ERCC6L2: variants seen among roughly 807,000 people sequenced by gnomAD.
The protein encoded by ERCC6L2 is ERCC excision repair 6 like 2, also known as DNA excision repair protein ERCC-6-like 2.
A neutral mutation model predicts 132.0 loss-of-function variants in ERCC6L2; 77 were observed. That is an observed-to-expected ratio of 0.58 (90% CI 0.49 to 0.71). ERCC6L2 has a LOEUF of 0.71. Ranked by LOEUF, ERCC6L2 falls within the 30% of genes least tolerant of loss-of-function variation. The pLI is 0.00. For missense variants in ERCC6L2, 1,542 were observed against 1,837.6 expected (o/e 0.84, Z 2.94); for synonymous variants, 583 against 632.4 (o/e 0.92, Z 1.17).
intron 11 of ERCC6L2, among the ~76,000 whole-genome samples, chr9:95,938,791 A>G (rs1048613222): frequency 9.2e-5 from 14 of 152,146 alleles, no homozygotes; most frequent in Admixed American, 7.2e-4. Context: ...ACGATTTTAA[A>G]TGGTATATTT....
chr9:96,003,853 C>T lies in ERCC6L2; in HGVS notation c.3493-667C>T, dbSNP rs185295971. ...TTTGGAATAGGATGAGGACTTTCTA[C>T]CTATTCATACTGTATCATCTTGTCA... On this transcript the variant is annotated intron_variant, in intron 17 of 18. Coordinates refer to ENST00000653738, the MANE Select transcript of ERCC6L2 (RefSeq NM_020207.7). Among the ~76,000 whole-genome samples the T allele has an allele frequency of 2.0e-4, 31 of 152,304 alleles. No homozygotes were observed. In the East Asian group the frequency reaches 6.0e-3, roughly 29 times the overall value.
chr9:95,923,157 A>G lies in ERCC6L2; in HGVS notation c.1414-103A>G, dbSNP rs541742906. The G allele has an allele frequency of 7.7e-5, 106 of 1,383,874 alleles. No individual in the cohort carries two copies. The Middle Eastern group carries it at 1.3e-3, about 17-fold the overall frequency. The allele number at this position is 1,383,874 out of a possible 1,614,324, so 85.7% of individuals were successfully genotyped here. ...TAGGGAAGCAAAAATCTTTAAAGTA[A>G]TACATTCTTTCTAAAAAGAATTTTT... On this transcript the variant is annotated intron_variant, in intron 8 of 18. Transcript: ENST00000653738.
chr9:95,908,152 G>T (rs528291079), intron 4 of ERCC6L2, among the ~76,000 whole-genome samples: 1 of 152,240 alleles, frequency 6.6e-6, no homozygotes, highest in Non-Finnish European at 1.5e-5. Flanking sequence ...GTGCTGAATT[G>T]TGTCGCTTCT....
At position 96,000,819 on chromosome 9, in the gene ERCC6L2, G is replaced by A. The variant is rs1053640155; in HGVS notation, c.3493-3701G>A. 6.6e-5 allele frequency among the ~76,000 whole-genome samples: 10 copies of A among 152,290 alleles called. No homozygotes were observed. The South Asian group carries it at 1.2e-3, about 19-fold the overall frequency. On this transcript the variant is annotated intron_variant, in intron 17 of 18. Coordinates refer to ENST00000653738, the MANE Select transcript of ERCC6L2 (RefSeq NM_020207.7). ...AAAAATTAGCTCGGCCTGTGGGCTC[G>A]TGCTTTGTATGTCTGAAAAGTTCTT... is the stretch of plus-strand genomic sequence containing the variant.
At chr9:95,974,442 T>G (rs1276829698) in intron 16 of ERCC6L2, among the ~76,000 whole-genome samples, 1 of 152,218 alleles carries the variant, frequency 6.6e-6, no homozygotes, top group Non-Finnish European at 1.5e-5. Flanking sequence ...CATTGTCCTA[T>G]CTGTGGATAG....
At position 95,915,671 on chromosome 9, in the gene ERCC6L2, G is replaced by A. The variant is rs181919944; in HGVS notation, c.792G>A (p.Leu264=). The A allele has an allele frequency of 1.2e-6, 2 of 1,608,666 alleles. No individual in the cohort carries two copies. Among genetic ancestry groups the A allele is most frequent in the East Asian group, 4.5e-5 (2 of 44,706 alleles). The stretch of plus-strand genomic sequence containing the variant: ...CTTCTTTTTTCTTACTTTATAGTTT[G>A]GAATGGTCAGCTGTCATTGTGGATG... ...LRLCLDELNS[L]EWSAVIVDEA... Residue 264 remains leucine (L), a synonymous_variant, in exon 5 of 19, where the codon TTG becomes TTA. Coordinates refer to ENST00000653738, the MANE Select transcript of ERCC6L2 (RefSeq NM_020207.7).
At chr9:95,884,573 G>A (rs375050624) in intron 2 of ERCC6L2, among the ~76,000 whole-genome samples, 2 of 150,420 alleles carry the variant, frequency 1.3e-5, no homozygotes, top group South Asian at 2.1e-4. Flanking sequence ...TGAAACTGAA[G>A]TCTTTTTAAA....
At chr9:95,902,077 G>A (rs1214459749) in intron 3 of ERCC6L2, among the ~76,000 whole-genome samples, 1 of 152,100 alleles carries the variant, frequency 6.6e-6, no homozygotes, top group Non-Finnish European at 1.5e-5. Flanking sequence ...ATTAAGGAGT[G>A]GTGGGTCTAA....
chr9:95,946,245 T>C (rs1294686018), intron 12 of ERCC6L2, among the ~76,000 whole-genome samples: 1 of 152,096 alleles, frequency 6.6e-6, no homozygotes, highest in Non-Finnish European at 1.5e-5. Context: ...AAATAATAAA[T>C]TGGCCGGGTG....
At chr9:95,966,455 T>G (rs1207544763) in intron 13 of ERCC6L2, 107 bp from the exon 14 acceptor site, 1 of 1,053,662 alleles carries the variant, frequency 9.5e-7, no homozygotes, top group Admixed American at 3.1e-5. Context: ...CCTAAGGAGA[T>G]TCTGCCTGCT....
intron 13 of ERCC6L2, among the ~76,000 whole-genome samples, chr9:95,959,084 T>A (rs1237309332): frequency 1.3e-5 from 2 of 151,808 alleles, no homozygotes; most frequent in Admixed American, 6.6e-5. Flanking sequence ...CAATCCTAAG[T>A]CAAAAGAACA....
intron 4 of ERCC6L2, among the ~76,000 whole-genome samples, chr9:95,909,509 T>C (rs967466500): frequency 3.9e-5 from 6 of 152,228 alleles, no homozygotes; most frequent in Admixed American, 6.5e-5. Flanking sequence ...CTGCCACTTA[T>C]AGGTGAGTTT....
At chr9:95,921,890 C>A (rs1449588572) in intron 7 of ERCC6L2, among the ~76,000 whole-genome samples, 1 of 152,056 alleles carries the variant, frequency 6.6e-6, no homozygotes, top group Non-Finnish European at 1.5e-5. Context: ...TATTTGGTCT[C>A]ATTTATTTTG....
intron 11 of ERCC6L2, among the ~76,000 whole-genome samples, chr9:95,939,667 TTTTG>T (rs549957971): frequency 3.3e-5 from 5 of 152,150 alleles, no homozygotes; most frequent in Non-Finnish European, 7.4e-5. Flanking sequence ...TCCATTTTTG[TTTTG>T]TTTGTTTTTG....
intron 3 of ERCC6L2, among the ~76,000 whole-genome samples, chr9:95,899,690 G>A (rs916080008): frequency 1.3e-5 from 2 of 148,656 alleles, no homozygotes; most frequent in African/African-American, 5.0e-5. Flanking sequence ...GTTGTCCCTT[G>A]GTATCCATGT....
chr9:95,896,568 T>C (rs1301275774), intron 2 of ERCC6L2, among the ~76,000 whole-genome samples: 1 of 152,020 alleles, frequency 6.6e-6, no homozygotes, highest in Admixed American at 6.6e-5. Flanking sequence ...GATACAGGCA[T>C]GAGCCACCCT....
rs1482248980 is a variant in ERCC6L2 at position 95,876,013 on chromosome 9, C to G, written c.-26C>G. On this transcript the variant is annotated 5_prime_UTR_variant, in exon 1 of 19. Transcript: ENST00000653738. ...CCGCCTTCCGGGTGTTACATGCAGC[C>G]GGGCTCGGCCCCTCCCCCTGGCCGG... is the stretch of plus-strand genomic sequence containing the variant. The G allele has an allele frequency of 1.9e-6, 3 of 1,576,746 alleles. No individual in the cohort carries two copies. The highest frequency in any genetic ancestry group is 2.6e-6 in the Non-Finnish European group (3 of 1,162,216).
chr9:95,919,557 A>G (rs766078779), intron 6 of ERCC6L2, among the ~76,000 whole-genome samples: 7 of 152,204 alleles, frequency 4.6e-5, no homozygotes, highest in African/African-American at 9.7e-5. Flanking sequence ...AGGACCTTTA[A>G]GGCTCATTAC....
chr9:95,928,040 T>G, intron 9 of ERCC6L2, 39 bp from the exon 10 acceptor site: 1 of 1,426,426 alleles, frequency 7.0e-7, no homozygotes, highest in South Asian at 1.2e-5. Context: ...GTACTTTTAG[T>G]TGGAACTGGT....
Sources: gnomAD v4.1 joint callset for allele counts (sites outside exome capture counted in the v4.1 genomes callset) on GRCh38, gnomAD v4.1.1 for gene constraint, MANE v1.5 for transcripts, NCBI Gene and HGNC (gene_info 2026-07-23, HGNC 2026-07-21) for gene names.